The following MICAL3 variants were observed in gnomAD, a reference collection of about 807,000 sequenced individuals.
The protein encoded by MICAL3 is microtubule associated monooxygenase, calponin and LIM domain containing 3, also known as [F-actin]-monooxygenase MICAL3.
MICAL3 carries 62 observed loss-of-function variants against 207.4 expected under a neutral mutation model. The observed-to-expected ratio is 0.30, with a 90% CI of 0.24 to 0.37. The LOEUF (loss-of-function observed/expected upper bound fraction) is 0.37, where lower values mean the gene tolerates loss of function less well. MICAL3 is among the 10% of genes least tolerant of loss of function. The pLI is 1.00. For missense variants in MICAL3, 2,368 were observed against 2,635.6 expected, an observed-to-expected ratio of 0.90 and a Z score of 2.22; for synonymous variants, 1,077 against 1,069.3, an observed-to-expected ratio of 1.01 and a Z score of -0.14.
chr22:17,966,261 A>C (rs1290242350), intron 1 of MICAL3, among the ~76,000 whole-genome samples: 1 of 152,016 alleles, frequency 6.6e-6, no homozygotes, highest in Non-Finnish European at 1.5e-5. Flanking sequence ...TGCCCTCCAA[A>C]GTGGCCCCAC....
At chr22:17,993,772 CAGAG>C (rs1445580288) in intron 1 of MICAL3, among the ~76,000 whole-genome samples, 2 of 152,232 alleles carry the variant, frequency 1.3e-5, no homozygotes, top group East Asian at 3.9e-4. Flanking sequence ...CCTGGCACTT[CAGAG>C]AGAGAACTCA....
chr22:17,824,771 C>T (rs926976500), intron 22 of MICAL3, among the ~76,000 whole-genome samples: 2 of 152,172 alleles, frequency 1.3e-5, no homozygotes, highest in Admixed American at 1.3e-4. Flanking sequence ...GGGGAAATGC[C>T]TCAAGTATTT....
intron 1 of MICAL3, among the ~76,000 whole-genome samples, chr22:17,930,489 T>C (rs754725272): frequency 1.2e-4 from 19 of 152,202 alleles, no homozygotes; most frequent in Non-Finnish European, 2.6e-4. Flanking sequence ...AATGAACTAC[T>C]GCAACATCCA....
At chr22:17,804,594 T>C (rs2145975744) in intron 29 of MICAL3, among the ~76,000 whole-genome samples, 1 of 152,328 alleles carries the variant, frequency 6.6e-6, no homozygotes, top group Middle Eastern at 3.4e-3. Context: ...TCCACAGCTG[T>C]CTGGCCAAGA....
chr22:17,896,908 T>A lies in MICAL3; in HGVS notation c.1022A>T (p.Glu341Val), dbSNP rs1338204883. The change falls in exon 8 of 32, where the codon GAG becomes GTG. Residue 341 changes from glutamate to valine, a missense_variant. This residue lies in a region of MICAL3 where 400 missense variants were observed against 547.0 expected (regional missense o/e 0.73). Transcript: ENST00000441493. ...CTGCTGGGTAGAGAAGTCTGCCGCC[T>A]CCCTGGCATAGCTGAGCAGAGCCTC... ...DQEALLSYAREAADFSTQQQL... is the reference protein window; with the variant it reads ...DQEALLSYARVAADFSTQQQL... 2 of 1,613,710 alleles carry A rather than the reference T, an allele frequency of 1.2e-6. No individual in the cohort carries two copies. The highest frequency in any genetic ancestry group is 4.5e-5 in the East Asian group (2 of 44,878).
At chr22:17,865,032 C>T (rs776908247) in intron 18 of MICAL3, 46 bp from the exon 19 acceptor site, 135 of 1,545,718 alleles carry the variant, frequency 8.7e-5, no homozygotes, top group Non-Finnish European at 1.1e-4. Context: ...GACTGATGCA[C>T]TCAAATCCTC....
chr22:17,875,380 A>G (rs1478783492), intron 16 of MICAL3: 7 of 1,002,360 alleles, frequency 7.0e-6, no homozygotes, highest in Non-Finnish European at 9.9e-6. Flanking sequence ...GGTACATGAC[A>G]CTTGCGAAAG....
At chr22:17,837,930 C>T (rs117236250) in intron 20 of MICAL3, among the ~76,000 whole-genome samples, 2,826 of 152,362 alleles carry the variant, frequency 0.019, 52 homozygotes, top group South Asian at 0.088. Flanking sequence ...GATCCTCTTG[C>T]TTCAGCCTCC....
At chr22:17,810,056 T>G (rs1412825701) in intron 28 of MICAL3, among the ~76,000 whole-genome samples, 1 of 38,952 alleles carries the variant, frequency 2.6e-5, no homozygotes, top group Non-Finnish European at 4.3e-5. Context: ...GCCTGGCTAT[T>G]TTTTTTTTTT....
intron 1 of MICAL3, among the ~76,000 whole-genome samples, chr22:17,915,232 C>T (rs926432462): frequency 2.0e-5 from 3 of 152,240 alleles, no homozygotes; most frequent in African/African-American, 7.2e-5. Flanking sequence ...CAACCCAACA[C>T]TCTGCTTAGC....
In MICAL3 at chr22:17,790,405, T is replaced by G. The variant is rs1000783393; in HGVS notation, c.*327A>C. The G allele has an allele frequency of 6.3e-6, 2 of 317,610 alleles. No individual in the cohort carries two copies. Among genetic ancestry groups the G allele is most frequent in the Admixed American group, 9.0e-5 (2 of 22,270 alleles). 19.7% of individuals were successfully genotyped at this position (317,610 alleles called of 1,614,324 possible). A position where few individuals can be genotyped will look rare whatever the true frequency, so the allele number is the denominator to read the frequency against. On this transcript the variant is annotated 3_prime_UTR_variant, in exon 32 of 32. Coordinates refer to ENST00000441493, the MANE Select transcript of MICAL3 (RefSeq NM_015241.3). Reference sequence around the variant, plus strand: ...AGCAGCTTCCCTCTCTTACCAAATGTGCCAGTGGAAAAAAGGGGCACAGCC... The same window carrying G: ...AGCAGCTTCCCTCTCTTACCAAATGGGCCAGTGGAAAAAAGGGGCACAGCC...
At chr22:17,961,887 C>A (rs1422025885) in intron 1 of MICAL3, among the ~76,000 whole-genome samples, 1 of 152,200 alleles carries the variant, frequency 6.6e-6, no homozygotes, top group Non-Finnish European at 1.5e-5. Context: ...TTCCAATGGG[C>A]AAGTGGCGGG....
intron 17 of MICAL3, 124 bp downstream of exon 17, chr22:17,871,713 G>T: frequency 1.2e-6 from 1 of 812,578 alleles, no homozygotes; most frequent in Non-Finnish European, 1.9e-6. Flanking sequence ...GAAAGGCTGG[G>T]AGAGGCATGA....
intron 1 of MICAL3, among the ~76,000 whole-genome samples, chr22:17,937,596 G>C (rs1933600939): frequency 6.6e-6 from 1 of 152,248 alleles, no homozygotes; most frequent in African/African-American, 2.4e-5. Flanking sequence ...CCAGGAGGCA[G>C]AGGTTGCGGT....
Position 17,819,009 on chromosome 22 carries a change from C to T in MICAL3, c.3652G>A (p.Ala1218Thr). The change falls in exon 26 of 32, where the codon GCT becomes ACT. Residue 1218 changes from alanine (A) to threonine (T), a missense_variant. Coordinates refer to ENST00000441493, the MANE Select transcript of MICAL3 (RefSeq NM_015241.3). ...TGTGATCGGATGGGAGAGTGCACAG[C>T]TTTCAGATCCGAGGGGGCATCAGCT... Reference protein sequence around the residue: ...PKADAPSDLKAVHSPIRSQPV... With the variant: ...PKADAPSDLKTVHSPIRSQPV... The T allele has an allele frequency of 6.2e-7, 1 of 1,608,330 alleles. No individual in the cohort carries two copies. Among genetic ancestry groups the T allele is most frequent in the East Asian group, 2.2e-5 (1 of 44,816 alleles).
chr22:17,908,834 A>C (rs761055955), intron 1 of MICAL3, among the ~76,000 whole-genome samples: 6 of 152,182 alleles, frequency 3.9e-5, no homozygotes, highest in Non-Finnish European at 7.3e-5. Context: ...TAGAAGCAAG[A>C]GACTGCCCAC....
chr22:18,010,003 G>A (rs1323941624), intron 1 of MICAL3, among the ~76,000 whole-genome samples: 1 of 93,404 alleles, frequency 1.1e-5, no homozygotes, highest in Non-Finnish European at 2.1e-5. Flanking sequence ...GAAAATGACA[G>A]AGGGAAAGGA....
chr22:17,932,658 C>T (rs1229007023), intron 1 of MICAL3, among the ~76,000 whole-genome samples: 2 of 152,230 alleles, frequency 1.3e-5, no homozygotes, highest in East Asian at 1.9e-4. Context: ...GGGCTAAATG[C>T]TCCAATTAAA....
At position 17,827,672 on chromosome 22, in the gene MICAL3, C is replaced by T. The variant is rs775688369; in HGVS notation, c.3165G>A (p.Ala1055=). Residue 1055 remains alanine, a synonymous_variant, in exon 22 of 32, where the codon GCG becomes GCA. Transcript: ENST00000441493. ...IREREEEERM[A]PASESSASGA... ...CGGAAGCAGAGGACTCAGAGGCCGG[C>T]GCCATCCTCTCTTCCTCCTCTCTCT... The T allele has an allele frequency of 5.7e-6, 9 of 1,577,978 alleles. No homozygotes were observed. Among genetic ancestry groups the T allele is most frequent in the African/African-American group, 1.4e-5 (1 of 73,968 alleles).
Sources: gnomAD v4.1 joint callset for allele counts (sites outside exome capture counted in the v4.1 genomes callset) on GRCh38, gnomAD v4.1.1 for gene constraint, gnomAD v4.1.1 regional missense constraint, MANE v1.5 for transcripts, NCBI Gene and HGNC (gene_info 2026-07-23, HGNC 2026-07-21) for gene names.